ROBO2: variants seen among roughly 807,000 people sequenced by gnomAD.
ROBO2 encodes roundabout homolog 2.
Under a neutral mutation model 160.8 loss-of-function variants are expected in ROBO2, and 53 were observed. That is an observed-to-expected ratio of 0.33 (90% CI 0.26 to 0.41). ROBO2 has a LOEUF of 0.41. Ranked by LOEUF, ROBO2 falls within the 10% of genes least tolerant of loss-of-function variation. The pLI is 1.00. For missense variants in ROBO2, 1,577 were observed against 1,722.4 expected (o/e 0.92, Z 1.49); for synonymous variants, 664 against 611.7 (o/e 1.09, Z -1.26).
intron 2 of ROBO2, among the ~76,000 whole-genome samples, chr3:76,770,839 T>A (rs935636300): frequency 2.0e-5 from 3 of 151,310 alleles, no homozygotes; most frequent in Non-Finnish European, 4.4e-5. Flanking sequence ...ATCCTACAAG[T>A]TAGTGCCGGC....
intron 2 of ROBO2, among the ~76,000 whole-genome samples, chr3:76,036,203 G>A (rs2067101341): frequency 6.6e-6 from 1 of 151,790 alleles, no homozygotes; most frequent in Admixed American, 6.6e-5. Flanking sequence ...AGGCTGGAGT[G>A]CAGTGGAGTG....
At chr3:77,397,429 T>C (rs952216764) in intron 2 of ROBO2, among the ~76,000 whole-genome samples, 14 of 152,152 alleles carry the variant, frequency 9.2e-5, no homozygotes, top group African/African-American at 3.4e-4. Flanking sequence ...AACAATCCCG[T>C]CTTCATGAGT....
chr3:77,508,056 T>C (rs2153613433), intron 5 of ROBO2, among the ~76,000 whole-genome samples: 1 of 151,932 alleles, frequency 6.6e-6, no homozygotes, highest in African/African-American at 2.4e-5. Flanking sequence ...TTCTCTATAA[T>C]CTAATCTCTA....
At chr3:76,629,768 G>A (rs1327945455) in intron 2 of ROBO2, among the ~76,000 whole-genome samples, 1 of 152,122 alleles carries the variant, frequency 6.6e-6, no homozygotes, top group Non-Finnish European at 1.5e-5. Flanking sequence ...TTTTGAATAA[G>A]TACATCTTTA....
intron 2 of ROBO2, among the ~76,000 whole-genome samples, chr3:75,938,100 GA>G: frequency 6.6e-6 from 1 of 151,804 alleles, no homozygotes; most frequent in Non-Finnish European, 1.5e-5. Context: ...GAAATTAAAT[GA>G]AAAATGTGAT....
intron 2 of ROBO2, among the ~76,000 whole-genome samples, chr3:76,391,438 A>G (rs1481814185): frequency 1.3e-5 from 2 of 152,190 alleles, no homozygotes; most frequent in Non-Finnish European, 2.9e-5. Context: ...AGCTCATACA[A>G]TGTGTTTCTA....
intron 2 of ROBO2, among the ~76,000 whole-genome samples, chr3:76,155,988 A>G (rs1428042457): frequency 6.6e-6 from 1 of 151,626 alleles, no homozygotes; most frequent in Non-Finnish European, 1.5e-5. Flanking sequence ...CAAAAGACAT[A>G]TTGATTTTAC....
chr3:76,677,864 A>G (rs2092450013), intron 2 of ROBO2, among the ~76,000 whole-genome samples: 1 of 144,060 alleles, frequency 6.9e-6, no homozygotes, highest in Non-Finnish European at 1.5e-5. Flanking sequence ...TCCCAGGGTT[A>G]TGTCTCTGCT....
intron 2 of ROBO2, among the ~76,000 whole-genome samples, chr3:75,970,613 T>C (rs570552968): frequency 1.3e-5 from 2 of 151,744 alleles, no homozygotes; most frequent in South Asian, 4.1e-4. Context: ...AAGTAGAAGA[T>C]TGAGTTTATG....
At chr3:76,682,552 C>T (rs1160957402) in intron 2 of ROBO2, among the ~76,000 whole-genome samples, 2 of 151,956 alleles carry the variant, frequency 1.3e-5, no homozygotes, top group African/African-American at 2.4e-5. Flanking sequence ...GGATTACAGG[C>T]GCCCACCACC....
chr3:76,169,621 T>G (rs2072964359), intron 2 of ROBO2, among the ~76,000 whole-genome samples: 1 of 152,164 alleles, frequency 6.6e-6, no homozygotes, highest in Non-Finnish European at 1.5e-5. Context: ...GAATCTGACT[T>G]TATTGCATTA....
At chr3:77,094,827 C>T (rs768059753) in intron 1 of ROBO2, among the ~76,000 whole-genome samples, 4 of 152,164 alleles carry the variant, frequency 2.6e-5, no homozygotes, top group South Asian at 4.1e-4. Context: ...ATTTGTCTAA[C>T]TTCTCTGTCA....
chr3:77,417,170 A>T (rs1383418297), intron 2 of ROBO2, among the ~76,000 whole-genome samples: 1 of 151,938 alleles, frequency 6.6e-6, no homozygotes, highest in South Asian at 2.1e-4. Context: ...GGACAAATTC[A>T]TTACATCCCT....
At chr3:76,849,197 A>G (rs1311306376) in intron 2 of ROBO2, among the ~76,000 whole-genome samples, 1 of 152,214 alleles carries the variant, frequency 6.6e-6, no homozygotes, top group East Asian at 1.9e-4. Flanking sequence ...CACCAGGAAA[A>G]TAACTTGGAA....
At chr3:76,136,253 T>G (rs2071425654) in intron 2 of ROBO2, among the ~76,000 whole-genome samples, 8 of 152,144 alleles carry the variant, frequency 5.3e-5, no homozygotes, top group Admixed American at 5.2e-4. Flanking sequence ...AAGTTGACAG[T>G]GCTGTAAGAA....
chr3:75,950,345 CA>C (rs1314460374), intron 2 of ROBO2, among the ~76,000 whole-genome samples: 1 of 152,052 alleles, frequency 6.6e-6, no homozygotes, highest in Non-Finnish European at 1.5e-5. Flanking sequence ...ATCATGAGAT[CA>C]TATGTTCACC....
At chr3:77,465,875 A>G (rs564916656) in intron 2 of ROBO2, among the ~76,000 whole-genome samples, 1 of 152,264 alleles carries the variant, frequency 6.6e-6, no homozygotes, top group South Asian at 2.1e-4. Context: ...CAATGGTGTA[A>G]TATGAGTTTT....
chr3:77,099,464 A>C (rs2071600632), intron 2 of ROBO2, among the ~76,000 whole-genome samples: 1 of 152,206 alleles, frequency 6.6e-6, no homozygotes, highest in South Asian at 2.1e-4. Flanking sequence ...TAAGACCCAT[A>C]TTTTTTATTT....
At chr3:76,047,719 C>T (rs1269590603) in intron 2 of ROBO2, among the ~76,000 whole-genome samples, 2 of 152,158 alleles carry the variant, frequency 1.3e-5, no homozygotes, top group East Asian at 3.9e-4. Context: ...GACAATATGC[C>T]TGCGTGCATG....
Sources: gnomAD v4.1 joint callset for allele counts (sites outside exome capture counted in the v4.1 genomes callset) on GRCh38, gnomAD v4.1.1 for gene constraint, MANE v1.5 for transcripts, NCBI Gene and HGNC (gene_info 2026-07-23, HGNC 2026-07-21) for gene names.